The following OSBPL6 variants were observed in gnomAD, a reference collection of about 807,000 sequenced individuals.
OSBPL6 encodes the protein oxysterol binding protein like 6.
A neutral mutation model predicts 125.8 loss-of-function variants in OSBPL6; 49 were observed. The observed-to-expected ratio is 0.39, with a 90% CI of 0.31 to 0.49. OSBPL6 has a LOEUF of 0.49. Ranked by LOEUF, OSBPL6 falls within the 20% of genes least tolerant of loss-of-function variation. The probability of loss-of-function intolerance (pLI) is 0.88; values close to 1 mark genes in which losing one functional copy is unlikely to be tolerated. For missense variants in OSBPL6, 986 were observed against 1,135.4 expected (o/e 0.87, Z 1.89); for synonymous variants, 394 against 391.8 (o/e 1.01, Z -0.07).
intron 12 of OSBPL6, among the ~76,000 whole-genome samples, chr2:178,350,321 G>C (rs527310729): frequency 1.3e-5 from 2 of 152,166 alleles, no homozygotes; most frequent in Non-Finnish European, 2.9e-5. Flanking sequence ...AGCCACTCAA[G>C]TTTGTTCTTA....
intron 5 of OSBPL6, among the ~76,000 whole-genome samples, chr2:178,329,051 C>T (rs985577898): frequency 2.6e-5 from 4 of 152,128 alleles, no homozygotes; most frequent in Non-Finnish European, 4.4e-5. Flanking sequence ...CCACTGCTAT[C>T]GAACTAATTC....
At chr2:178,257,381 A>T (rs1413303890) in intron 1 of OSBPL6, among the ~76,000 whole-genome samples, 1 of 152,252 alleles carries the variant, frequency 6.6e-6, no homozygotes, top group African/African-American at 2.4e-5. Flanking sequence ...AATGAATCAT[A>T]TAGTATACTT....
At chr2:178,196,110 G>C (rs1365554742) in intron 1 of OSBPL6, among the ~76,000 whole-genome samples, 1 of 151,342 alleles carries the variant, frequency 6.6e-6, no homozygotes, top group Non-Finnish European at 1.5e-5. Flanking sequence ...CGGAGACAAA[G>C]ACTAATAATA....
intron 23 of OSBPL6, among the ~76,000 whole-genome samples, chr2:178,393,519 C>G (rs1323325870): frequency 2.0e-5 from 3 of 152,092 alleles, no homozygotes; most frequent in African/African-American, 7.2e-5. Context: ...TGCCAAAATG[C>G]TCTCAGTTTT....
chr2:178,222,565 C>T (rs1452923806), intron 1 of OSBPL6, among the ~76,000 whole-genome samples: 1 of 152,190 alleles, frequency 6.6e-6, no homozygotes, highest in Non-Finnish European at 1.5e-5. Flanking sequence ...ATGGCGTGAA[C>T]CCAGGAGGCG....
At chr2:178,239,646 G>A (rs887460341) in intron 1 of OSBPL6, among the ~76,000 whole-genome samples, 4 of 140,212 alleles carry the variant, frequency 2.9e-5, no homozygotes, top group African/African-American at 5.2e-5. Flanking sequence ...ATTTATTTGC[G>A]ATGGAGTCTC....
chr2:178,256,856 G>A (rs923910691), intron 1 of OSBPL6, among the ~76,000 whole-genome samples: 7 of 152,244 alleles, frequency 4.6e-5, no homozygotes, highest in Non-Finnish European at 5.9e-5. Flanking sequence ...AGCCTAGTTT[G>A]TCTTTTCCCC....
At chr2:178,360,050 A>G (rs1162464269) in intron 12 of OSBPL6, among the ~76,000 whole-genome samples, 1 of 150,760 alleles carries the variant, frequency 6.6e-6, no homozygotes, top group Admixed American at 6.6e-5. Context: ...GTGCCGCTGC[A>G]CTCCATCCTG....
At chr2:178,317,091 G>T (rs1377396972) in intron 3 of OSBPL6, among the ~76,000 whole-genome samples, 1 of 151,820 alleles carries the variant, frequency 6.6e-6, no homozygotes, top group Non-Finnish European at 1.5e-5. Flanking sequence ...CAAAATTTCT[G>T]CAAAGAATGT....
rs1036802911 is a variant in OSBPL6, at chr2:178,339,044, T to C, written c.844T>C (p.Leu282=). The C allele has an allele frequency of 6.2e-7, 1 of 1,613,432 alleles. No homozygotes were observed. Among genetic ancestry groups the C allele is most frequent in the Non-Finnish European group, 8.5e-7 (1 of 1,179,732 alleles). The change falls in exon 10 of 25, where the codon TTG becomes CTG. Residue 282 remains leucine (L), a synonymous_variant. Coordinates refer to ENST00000190611, the MANE Select transcript of OSBPL6 (RefSeq NM_032523.4). Reference sequence around the variant, plus strand: ...GGAACTTAGCAAACTCCTGCAAAATTTGGAAATACTTCAGAGAACTCAGTC... The same window carrying C: ...GGAACTTAGCAAACTCCTGCAAAATCTGGAAATACTTCAGAGAACTCAGTC... ...LVELSKLLQN[L]EILQRTQSAP... is the part of the protein sequence containing the mutation.
At chr2:178,367,651 A>C (rs62176087) in intron 13 of OSBPL6, among the ~76,000 whole-genome samples, 29 of 152,304 alleles carry the variant, frequency 1.9e-4, no homozygotes, top group African/African-American at 6.5e-4. Context: ...TCTGGCTCAA[A>C]TCTTTAAGAC....
intron 1 of OSBPL6, among the ~76,000 whole-genome samples, chr2:178,262,801 G>A (rs1159902590): frequency 6.6e-6 from 1 of 152,104 alleles, no homozygotes; most frequent in Non-Finnish European, 1.5e-5. Context: ...AGTGACCAGT[G>A]TTTAATGAAA....
intron 2 of OSBPL6, among the ~76,000 whole-genome samples, chr2:178,294,166 C>A (rs1257028901): frequency 6.6e-6 from 1 of 152,080 alleles, no homozygotes; most frequent in African/African-American, 2.4e-5. Flanking sequence ...TTTTCTGATT[C>A]AGTTTCTCTT....
chr2:178,394,392 T>C lies in OSBPL6; in HGVS notation c.2653T>C (p.Tyr885His). Residue 885 changes from tyrosine (Y) to histidine (H), a missense_variant, in exon 24 of 25, where the codon TAT (tyrosine) becomes CAT (histidine). Transcript: ENST00000190611. ...GGAACTCCAGAGATCTCGGAGACGA[T>C]ATATGGAAGAAAACAATCTTGAACA... ...VEELQRSRRR[Y>H]MEENNLEHIP... is the part of the protein sequence containing the mutation. 7 of 1,613,278 alleles carry C rather than the reference T, an allele frequency of 4.3e-6. No homozygotes were observed. The highest frequency in any genetic ancestry group is 5.9e-6 in the Non-Finnish European group (7 of 1,179,706).
At chr2:178,344,141 G>A (rs928317214) in intron 11 of OSBPL6, 11 of 642,512 alleles carry the variant, frequency 1.7e-5, no homozygotes, top group South Asian at 1.6e-4. Context: ...ACTCCCCTGT[G>A]AGCGCTTTTC....
rs1440766933 is a variant in OSBPL6 at position 178,397,801 on chromosome 2, T to C, written c.*2242T>C. The C allele has an allele frequency of 6.6e-6, 1 of 152,108 alleles. No individual in the cohort carries two copies. The highest frequency in any genetic ancestry group is 6.6e-5 in the Admixed American group (1 of 15,264). 9.4% of individuals were successfully genotyped at this position (152,108 alleles called of 1,614,324 possible). ...TATAATTACAAAAAAGAAAAAATAG[T>C]AGAAAGGATCTTTACCAGACAGTAA... On this transcript the variant is annotated 3_prime_UTR_variant, in exon 25 of 25. Coordinates refer to ENST00000190611, the MANE Select transcript of OSBPL6 (RefSeq NM_032523.4).
intron 3 of OSBPL6, among the ~76,000 whole-genome samples, chr2:178,319,889 ATAGCT>A (rs1283628531): frequency 6.6e-6 from 1 of 152,230 alleles, no homozygotes; most frequent in Non-Finnish European, 1.5e-5. Flanking sequence ...GAATATAAAA[ATAGCT>A]TAGCTAAGAT....
In OSBPL6 at chr2:178,322,917, TAAAA is replaced by T. The variant is rs4019732; in HGVS notation, c.103-1245_103-1242del. Among the ~76,000 whole-genome samples the T allele has an allele frequency of 2.9e-3, 421 of 144,478 alleles. 2 individuals carry two copies. The highest frequency in any genetic ancestry group is 0.021 in the Middle Eastern group (6 of 280). 94.8% of individuals were successfully genotyped at this position (144,478 alleles called of 152,430 possible). A position where few individuals can be genotyped will look rare whatever the true frequency, so the allele number is the denominator to read the frequency against. ...TTTTAGAAAAATCACCTCATGCATT[TAAAA>T]AAAAAAAAAAAAAACCTTTAAAAAA... On this transcript the variant is annotated intron_variant, in intron 3 of 24. Coordinates refer to ENST00000190611, the MANE Select transcript of OSBPL6 (RefSeq NM_032523.4).
intron 14 of OSBPL6, among the ~76,000 whole-genome samples, chr2:178,372,458 C>A (rs1693479915): frequency 6.6e-6 from 1 of 151,862 alleles, no homozygotes; most frequent in African/African-American, 2.4e-5. Context: ...CTATGTTCAC[C>A]TGATGCCACT....
Sources: gnomAD v4.1 joint callset for allele counts (sites outside exome capture counted in the v4.1 genomes callset) on GRCh38, gnomAD v4.1.1 for gene constraint, MANE v1.5 for transcripts, NCBI Gene and HGNC (gene_info 2026-07-23, HGNC 2026-07-21) for gene names.